Variants in SGCZ observed in about 807,000 individuals in gnomAD.
SGCZ encodes the protein sarcoglycan zeta.
Under a neutral mutation model 41.3 loss-of-function variants are expected in SGCZ, and 40 were observed. That is an observed-to-expected ratio of 0.97 (90% CI 0.75 to 1.26). The LOEUF (loss-of-function observed/expected upper bound fraction) is 1.26, where lower values mean the gene tolerates loss of function less well. Among genes scored for constraint, SGCZ ranks in the 50% most tolerant of loss-of-function variants. SGCZ has a pLI of 0.00. For synonymous variants in SGCZ, 206 were observed against 137.5 expected, an observed-to-expected ratio of 1.50 and a Z score of -3.49; for missense variants, 552 against 369.8, an observed-to-expected ratio of 1.49 and a Z score of -4.04.
intron 3 of SGCZ, among the ~76,000 whole-genome samples, chr8:14,266,823 T>A (rs957141015): frequency 9.2e-5 from 14 of 151,928 alleles, no homozygotes; most frequent in Non-Finnish European, 5.9e-5. Context: ...GAAACACAGA[T>A]CCGACATAAA....
intron 1 of SGCZ, among the ~76,000 whole-genome samples, chr8:15,235,687 C>G (rs1007607497): frequency 4.6e-5 from 7 of 152,160 alleles, no homozygotes; most frequent in African/African-American, 1.7e-4. Flanking sequence ...TGTATTGGCA[C>G]TGGGGTTCAG....
intron 4 of SGCZ, among the ~76,000 whole-genome samples, chr8:14,203,059 G>C (rs2117075251): frequency 6.6e-6 from 1 of 152,290 alleles, no homozygotes; most frequent in South Asian, 2.1e-4. Context: ...ATCCATGTAA[G>C]ATGTGACTTG....
intron 1 of SGCZ, among the ~76,000 whole-genome samples, chr8:14,802,419 C>G (rs893623664): frequency 6.6e-6 from 1 of 152,128 alleles, no homozygotes; most frequent in Non-Finnish European, 1.5e-5. Context: ...TTAATTCAAC[C>G]CTTTAAAAAG....
At chr8:14,578,176 G>A (rs935541380) in intron 1 of SGCZ, among the ~76,000 whole-genome samples, 1 of 152,154 alleles carries the variant, frequency 6.6e-6, no homozygotes, top group Non-Finnish European at 1.5e-5. Flanking sequence ...GTGATAAAAA[G>A]AGAAATGGCA....
chr8:15,170,113 A>T (rs2117060740), intron 1 of SGCZ, among the ~76,000 whole-genome samples: 1 of 145,274 alleles, frequency 6.9e-6, no homozygotes, highest in South Asian at 2.3e-4. Flanking sequence ...AATATGATAG[A>T]TGATCAGTAA....
intron 1 of SGCZ, among the ~76,000 whole-genome samples, chr8:15,112,599 T>C (rs1807110182): frequency 1.3e-5 from 2 of 152,188 alleles, no homozygotes; most frequent in African/African-American, 2.4e-5. Context: ...CCTTAATACA[T>C]AGGCAGTTTC....
chr8:14,206,377 T>G (rs1805616101), intron 4 of SGCZ, among the ~76,000 whole-genome samples: 1 of 152,100 alleles, frequency 6.6e-6, no homozygotes, highest in African/African-American at 2.4e-5. Context: ...CTGAATAAAA[T>G]AAATGTAAAC....
At chr8:14,569,798 C>A (rs7823541) in intron 1 of SGCZ, among the ~76,000 whole-genome samples, 3,047 of 152,148 alleles carry the variant, frequency 0.02, 96 homozygotes, top group African/African-American at 0.069. Flanking sequence ...AGCTTTGCAG[C>A]CATTGAGGTA....
intron 3 of SGCZ, among the ~76,000 whole-genome samples, chr8:14,258,354 C>A (rs976460257): frequency 5.9e-5 from 9 of 152,106 alleles, no homozygotes; most frequent in Non-Finnish European, 1.0e-4. Flanking sequence ...ACTCTGCAAA[C>A]ACATGCCCTG....
At chr8:14,877,631 T>C (rs1251743499) in intron 1 of SGCZ, among the ~76,000 whole-genome samples, 1 of 152,174 alleles carries the variant, frequency 6.6e-6, no homozygotes, top group Non-Finnish European at 1.5e-5. Flanking sequence ...TATTTTTCTC[T>C]ATCATGTTGA....
At chr8:14,574,661 T>A (rs146620234) in intron 1 of SGCZ, among the ~76,000 whole-genome samples, 1 of 152,208 alleles carries the variant, frequency 6.6e-6, no homozygotes, top group Non-Finnish European at 1.5e-5. Flanking sequence ...ACACTGTATC[T>A]TTGGGGCTTC....
chr8:14,645,117 A>G (rs1033509977), intron 1 of SGCZ, among the ~76,000 whole-genome samples: 6 of 151,582 alleles, frequency 4.0e-5, no homozygotes, highest in Non-Finnish European at 1.5e-5. Context: ...AAAACCATTG[A>G]TCTATCATTT....
intron 1 of SGCZ, among the ~76,000 whole-genome samples, chr8:14,859,228 A>G (rs1803641677): frequency 6.6e-6 from 1 of 152,096 alleles, no homozygotes; most frequent in East Asian, 1.9e-4. Flanking sequence ...ATTCAATAAA[A>G]GCAGTCTTTA....
At chr8:14,951,919 C>A in intron 1 of SGCZ, among the ~76,000 whole-genome samples, 1 of 152,010 alleles carries the variant, frequency 6.6e-6, no homozygotes, top group Non-Finnish European at 1.5e-5. Context: ...CATTTGCTTG[C>A]CTAGTGGGCA....
intron 1 of SGCZ, among the ~76,000 whole-genome samples, chr8:14,943,082 A>T (rs1052631535): frequency 6.6e-6 from 1 of 152,176 alleles, no homozygotes; most frequent in African/African-American, 2.4e-5. Flanking sequence ...GTCATACTTC[A>T]CTAGAACTCA....
At chr8:15,125,956 A>C (rs1585589726) in intron 1 of SGCZ, among the ~76,000 whole-genome samples, 1 of 152,024 alleles carries the variant, frequency 6.6e-6, no homozygotes, top group Admixed American at 6.6e-5. Flanking sequence ...GACCAGCCTG[A>C]CCAATATGGT....
chr8:14,531,218 G>A (rs1041609021), intron 2 of SGCZ, among the ~76,000 whole-genome samples: 1 of 150,912 alleles, frequency 6.6e-6, no homozygotes, highest in Non-Finnish European at 1.5e-5. Context: ...ATCAGCATAC[G>A]TTTCCCCATT....
chr8:15,223,688 T>C (rs1437668694), intron 1 of SGCZ, among the ~76,000 whole-genome samples: 1 of 152,170 alleles, frequency 6.6e-6, no homozygotes, highest in East Asian at 1.9e-4. Flanking sequence ...TTAGTAGATA[T>C]ATAAAACATA....
At chr8:15,159,989 C>T (rs958610312) in intron 1 of SGCZ, among the ~76,000 whole-genome samples, 2 of 151,714 alleles carry the variant, frequency 1.3e-5, no homozygotes, top group Non-Finnish European at 2.9e-5. Context: ...AGCATCAAGA[C>T]CTGATTTTTT....
Sources: allele counts gnomAD v4.1 joint callset (sites outside exome capture counted in the v4.1 genomes callset), GRCh38; gene constraint gnomAD v4.1.1; transcripts MANE v1.5; gene names NCBI Gene and HGNC (gene_info 2026-07-23, HGNC 2026-07-21).